Variants in ACSM6 observed in about 807,000 individuals in gnomAD.
ACSM6 encodes the protein acyl-CoA synthetase medium chain family member 6.
In ACSM6, 35 loss-of-function variants were observed where a neutral mutation model predicts 51.1. The ratio of observed to expected loss-of-function variants is 0.69; its 90% CI spans 0.52 to 0.91. The LOEUF (loss-of-function observed/expected upper bound fraction) is 0.91, where lower values mean the gene tolerates loss of function less well. Ranked by LOEUF, ACSM6 falls within the 40% of genes least tolerant of loss-of-function variation. ACSM6 has a pLI of 0.00. For missense variants in ACSM6, 509 were observed against 584.1 expected, an observed-to-expected ratio of 0.87 and a Z score of 1.32; for synonymous variants, 172 against 207.3, an observed-to-expected ratio of 0.83 and a Z score of 1.46.
chr10:95,214,828 G>C, intron 7 of ACSM6, 24 bp from the exon 8 acceptor site: 2 of 1,549,370 alleles, frequency 1.3e-6, no homozygotes, highest in South Asian at 1.2e-5. Flanking sequence ...CTGAGGCTAA[G>C]AACAACTTTT....
At chr10:95,197,021 G>A (rs1325292615) in intron 2 of ACSM6, among the ~76,000 whole-genome samples, 1 of 152,052 alleles carries the variant, frequency 6.6e-6, no homozygotes, top group Non-Finnish European at 1.5e-5. Context: ...TCCATCAAAT[G>A]CACTACACGA....
At position 95,218,260 on chromosome 10, in the gene ACSM6, A is replaced by G. The variant is rs563081366; in HGVS notation, c.1120-1631A>G. On this transcript the variant is annotated intron_variant, in intron 8 of 10. Coordinates refer to ENST00000341686, the Ensembl canonical transcript of ACSM6. ...ACAACCTGCATGGGAGAAAATGTAC[A>G]TCTTCCATTTAATTGTAATGTACTG... is the stretch of plus-strand genomic sequence containing the variant. Among the ~76,000 whole-genome samples, 6 of 152,372 alleles carry G rather than the reference A, an allele frequency of 3.9e-5. No individual in the cohort carries two copies. The East Asian group carries it at 9.6e-4, about 24-fold the overall frequency.
intron 2 of ACSM6, among the ~76,000 whole-genome samples, chr10:95,198,836 C>A (rs1457117578): frequency 6.6e-6 from 1 of 152,096 alleles, no homozygotes; most frequent in Non-Finnish European, 1.5e-5. Context: ...CCATCCCTGC[C>A]AATTCTCATT....
chr10:95,201,261 C>G (rs949254913), intron 2 of ACSM6, among the ~76,000 whole-genome samples: 2 of 152,154 alleles, frequency 1.3e-5, no homozygotes, highest in Non-Finnish European at 2.9e-5. Context: ...TTCTAGTGTA[C>G]TCATCACCCA....
intron 3 of ACSM6, among the ~76,000 whole-genome samples, chr10:95,202,985 G>A (rs915442474): frequency 1.3e-5 from 2 of 150,150 alleles, no homozygotes; most frequent in Non-Finnish European, 3.0e-5. Flanking sequence ...TATCTCTAAA[G>A]CGTCCTCTAC....
chr10:95,224,596 C>G (rs981959106), intron 9 of ACSM6, among the ~76,000 whole-genome samples: 2 of 152,030 alleles, frequency 1.3e-5, no homozygotes, highest in Admixed American at 6.5e-5. Context: ...GACAGGGTTT[C>G]TCCATGTTGG....
At chr10:95,203,264 G>A (rs2034812058) in intron 3 of ACSM6, among the ~76,000 whole-genome samples, 1 of 152,080 alleles carries the variant, frequency 6.6e-6, no homozygotes, top group Non-Finnish European at 1.5e-5. Context: ...TCCCAGATGG[G>A]ACTCTCTAGT....
intron 5 of ACSM6, 40 bp downstream of exon 5, chr10:95,210,833 T>C: frequency 6.3e-7 from 1 of 1,589,568 alleles, no homozygotes; most frequent in South Asian, 1.2e-5. Flanking sequence ...TGAAAGTTGT[T>C]CTCTTGCAGG....
At chr10:95,210,320 G>T (rs1228105363) in intron 4 of ACSM6, among the ~76,000 whole-genome samples, 1 of 152,172 alleles carries the variant, frequency 6.6e-6, no homozygotes, top group Non-Finnish European at 1.5e-5. Flanking sequence ...GGCACAGATA[G>T]CTAGGTAGGT....
intron 8 of ACSM6, among the ~76,000 whole-genome samples, 161 bp from the exon 9 acceptor site, chr10:95,219,730 T>C (rs1274469826): frequency 6.6e-6 from 1 of 152,196 alleles, no homozygotes; most frequent in Non-Finnish European, 1.5e-5. Context: ...AGAGGTTAAT[T>C]TAGTCACACT....
At chr10:95,227,176 AG>A (rs1220032932) in intron 10 of ACSM6, among the ~76,000 whole-genome samples, 2 of 152,010 alleles carry the variant, frequency 1.3e-5, no homozygotes, top group Non-Finnish European at 2.9e-5. Flanking sequence ...TAGTAGAAAC[AG>A]GGTTTTACCA....
At chr10:95,198,343 T>C (rs1011153432) in intron 2 of ACSM6, among the ~76,000 whole-genome samples, 1 of 152,146 alleles carries the variant, frequency 6.6e-6, no homozygotes, top group African/African-American at 2.4e-5. Flanking sequence ...CGCACAAAGA[T>C]ATTATAGAAC....
intron 2 of ACSM6, among the ~76,000 whole-genome samples, chr10:95,198,992 G>T (rs979085791): frequency 6.7e-6 from 1 of 148,930 alleles, no homozygotes; most frequent in African/African-American, 2.5e-5. Context: ...CACAGAATTG[G>T]AAAAAACTAC....
chr10:95,220,227 T>C (rs1280443271), intron 9 of ACSM6, among the ~76,000 whole-genome samples: 3 of 152,058 alleles, frequency 2.0e-5, no homozygotes, highest in Non-Finnish European at 4.4e-5. Flanking sequence ...AAGTTTCAAA[T>C]ATGGAGAAAT....
chr10:95,216,835 C>A (rs1438205279), intron 8 of ACSM6, among the ~76,000 whole-genome samples: 1 of 152,142 alleles, frequency 6.6e-6, no homozygotes, highest in African/African-American at 2.4e-5. Flanking sequence ...TCCTTAACCA[C>A]TCAATTGATG....
chr10:95,200,376 T>C (rs1464885644), intron 2 of ACSM6, among the ~76,000 whole-genome samples: 3 of 148,402 alleles, frequency 2.0e-5, no homozygotes, highest in Admixed American at 1.3e-4. Context: ...AGGGATAGCA[T>C]TGGGTGATAT....
chr10:95,212,661 C>T (rs951480144), intron 6 of ACSM6, among the ~76,000 whole-genome samples, 197 bp from the exon 7 acceptor site: 1 of 152,168 alleles, frequency 6.6e-6, no homozygotes, highest in Non-Finnish European at 1.5e-5. Flanking sequence ...CCTATGTTCA[C>T]AGAGCTAAAG....
chr10:95,198,401 A>T (rs2034757034), intron 2 of ACSM6, among the ~76,000 whole-genome samples: 1 of 152,240 alleles, frequency 6.6e-6, no homozygotes, highest in African/African-American at 2.4e-5. Flanking sequence ...CTGTAATCCC[A>T]GCACTTTGGG....
intron 2 of ACSM6, among the ~76,000 whole-genome samples, chr10:95,198,648 CAA>C (rs11357937): frequency 0.014 from 1,940 of 138,244 alleles, 25 homozygotes; most frequent in African/African-American, 0.039. Flanking sequence ...AAGACTGTCT[CAA>C]AAAAAAAAAA....
Sources: allele counts gnomAD v4.1 joint callset (sites outside exome capture counted in the v4.1 genomes callset), GRCh38; gene constraint gnomAD v4.1.1; transcripts MANE v1.5; gene names NCBI Gene and HGNC (gene_info 2026-07-23, HGNC 2026-07-21).